The following NDUFAF6 variants were observed in gnomAD, a reference collection of about 807,000 sequenced individuals.
NDUFAF6 encodes NADH:ubiquinone oxidoreductase complex assembly factor 6, also known as NADH dehydrogenase (ubiquinone) complex I, assembly factor 6.
NDUFAF6 carries 45 observed loss-of-function variants against 40.8 expected under a neutral mutation model. The ratio of observed to expected loss-of-function variants is 1.10; its 90% CI spans 0.87 to 1.42. The LOEUF is 1.42. Ranked by LOEUF, NDUFAF6 falls within the 40% of genes most tolerant of loss-of-function variation. NDUFAF6 has a pLI of 0.00. For synonymous variants in NDUFAF6, 185 were observed against 155.9 expected, an observed-to-expected ratio of 1.19 and a Z score of -1.39; for missense variants, 435 against 418.5, an observed-to-expected ratio of 1.04 and a Z score of -0.34.
In NDUFAF6 at chr8:95,025,014, G is replaced by T. The variant is rs1827899286; in HGVS notation, c.6G>T (p.Ala2=). Reference sequence around the variant, plus strand: ...GGGCACGCAGTGCCGGCGTCATGGCGGCCTCCGCGCACGGCTCTGTCTGGG... The same window carrying T: ...GGGCACGCAGTGCCGGCGTCATGGCTGCCTCCGCGCACGGCTCTGTCTGGG... M[A]ASAHGSVWGP... is the part of the protein sequence containing the mutation. The change falls in exon 1 of 9, where the codon GCG becomes GCT. Residue 2 remains alanine, a synonymous_variant. Coordinates refer to ENST00000396124, the MANE Select transcript of NDUFAF6 (RefSeq NM_152416.4). 2 of 1,343,916 alleles carry T rather than the reference G, an allele frequency of 1.5e-6. No individual in the cohort carries two copies. Among genetic ancestry groups the T allele is most frequent in the South Asian group, 2.0e-5 (1 of 49,196 alleles). The allele number at this position is 1,343,916 out of a possible 1,614,324, so 83.2% of individuals were successfully genotyped here.
intron 9 of NDUFAF6, among the ~76,000 whole-genome samples, chr8:95,074,086 G>A (rs1467846987): frequency 1.3e-5 from 2 of 152,158 alleles, no homozygotes; most frequent in African/African-American, 4.8e-5. Context: ...GTGGGTAAGG[G>A]TTGGGATGGA....
chr8:95,105,215 G>A (rs1002889240), downstream of NDUFAF6, among the ~76,000 whole-genome samples: 9 of 151,944 alleles, frequency 5.9e-5, no homozygotes, highest in African/African-American at 2.2e-4. Flanking sequence ...TTTTTCTAAG[G>A]AATAAATAAG....
At chr8:95,023,989 C>CA (rs35426799), upstream of NDUFAF6, among the ~76,000 whole-genome samples, 24,776 of 124,090 alleles carry the variant, frequency 0.2, 2,176 homozygotes, top group Middle Eastern at 0.34. Flanking sequence ...GACTCTGTCT[C>CA]AAAAAAAAAA....
intron 2 of NDUFAF6, among the ~76,000 whole-genome samples, chr8:94,999,044 G>A (rs776932807): frequency 6.6e-6 from 1 of 151,570 alleles, no homozygotes; most frequent in Non-Finnish European, 1.5e-5. Context: ...TCGTGTGTGT[G>A]TAAAACAGAC....
intron 2 of NDUFAF6, among the ~76,000 whole-genome samples, chr8:95,089,910 A>G (rs1809193098): frequency 6.6e-6 from 1 of 152,062 alleles, no homozygotes; most frequent in African/African-American, 2.4e-5. Context: ...ATTAGACTCC[A>G]CTTACCTCAC....
intron 2 of NDUFAF6, among the ~76,000 whole-genome samples, chr8:95,000,268 C>G (rs1034564316): frequency 6.6e-6 from 1 of 152,006 alleles, no homozygotes; most frequent in African/African-American, 2.4e-5. Context: ...GTCTGGGAGG[C>G]GGAGGTTGCA....
chr8:95,058,450 T>C lies in NDUFAF6; in HGVS notation c.*513T>C. ...GTGTTGTGGGCTTTTATCCTTAACGTTTAATTTTTACAATCTTGTGTAAAA... is the reference window on the plus strand; with the variant it reads ...GTGTTGTGGGCTTTTATCCTTAACGCTTAATTTTTACAATCTTGTGTAAAA... On this transcript the variant is annotated 3_prime_UTR_variant, in exon 9 of 9. Transcript: ENST00000396124. The C allele has an allele frequency of 3.3e-6, 4 of 1,230,724 alleles. No individual in the cohort carries two copies. Among genetic ancestry groups the C allele is most frequent in the Non-Finnish European group, 4.1e-6 (4 of 987,594 alleles). 76.2% of individuals were successfully genotyped at this position (1,230,724 alleles called of 1,614,324 possible).
At chr8:95,106,828 T>G (rs190251411), downstream of NDUFAF6, among the ~76,000 whole-genome samples, 973 of 152,278 alleles carry the variant, frequency 6.4e-3, 6 homozygotes, top group Middle Eastern at 0.041. Flanking sequence ...ACAAAGGATA[T>G]GAACAGACAC....
chr8:94,910,125 C>G (rs1340300440), intron 1 of NDUFAF6, among the ~76,000 whole-genome samples: 2 of 151,892 alleles, frequency 1.3e-5, no homozygotes, highest in South Asian at 2.1e-4. Flanking sequence ...CCTACTCCTG[C>G]CCATTTAGGA....
chr8:94,929,787 CTCTG>C (rs1354306724), intron 1 of NDUFAF6: 7 of 152,214 alleles, frequency 4.6e-5, no homozygotes, highest in African/African-American at 1.7e-4. Flanking sequence ...AGACAAGTGC[CTCTG>C]TCTACAACAC....
At chr8:95,038,362 G>T (rs1019581022) in intron 3 of NDUFAF6, among the ~76,000 whole-genome samples, 1 of 151,626 alleles carries the variant, frequency 6.6e-6, no homozygotes, top group African/African-American at 2.4e-5. Flanking sequence ...AAAATTTAGC[G>T]AATATTTTCT....
At chr8:95,022,733 A>G (rs1029852347), upstream of NDUFAF6, among the ~76,000 whole-genome samples, 2 of 152,208 alleles carry the variant, frequency 1.3e-5, no homozygotes, top group Admixed American at 6.5e-5. Context: ...AGAAGCCATA[A>G]AAGTAAATAT....
chr8:95,110,385 G>C (rs960288327), intron 4 of NDUFAF6, among the ~76,000 whole-genome samples: 8 of 152,176 alleles, frequency 5.3e-5, no homozygotes, highest in African/African-American at 1.7e-4. Context: ...TACTTAAGAA[G>C]CCAGATGGGC....
At chr8:95,116,813 A>G (rs1419994951), downstream of NDUFAF6, among the ~76,000 whole-genome samples, 2 of 152,254 alleles carry the variant, frequency 1.3e-5, no homozygotes, top group Non-Finnish European at 2.9e-5. Flanking sequence ...GACTTAAACA[A>G]TAAAAAGAAT....
intron 4 of NDUFAF6, among the ~76,000 whole-genome samples, chr8:95,109,683 T>A (rs1315138652): frequency 6.6e-6 from 1 of 152,206 alleles, no homozygotes; most frequent in Non-Finnish European, 1.5e-5. Flanking sequence ...CACTTTGACC[T>A]CTTCTTATAT....
upstream of NDUFAF6, among the ~76,000 whole-genome samples, chr8:94,956,985 A>G (rs1823135237): frequency 1.3e-5 from 2 of 152,140 alleles, no homozygotes; most frequent in African/African-American, 4.8e-5. Context: ...AGCCTGGCCA[A>G]TGTGGTGAAA....
chr8:94,976,764 G>A (rs915038774), intron 1 of NDUFAF6, among the ~76,000 whole-genome samples: 31 of 152,210 alleles, frequency 2.0e-4, no homozygotes, highest in African/African-American at 7.5e-4. Context: ...TGTTTAATGG[G>A]TATAGAGTTT....
upstream of NDUFAF6, among the ~76,000 whole-genome samples, chr8:94,954,605 G>C (rs1026575210): frequency 5.9e-5 from 9 of 152,168 alleles, no homozygotes; most frequent in Non-Finnish European, 4.4e-5. Context: ...TTTGAGCATT[G>C]AGAACCAAAG....
intron 2 of NDUFAF6, among the ~76,000 whole-genome samples, chr8:95,018,205 A>AT (rs34118633): frequency 0.76 from 110,063 of 145,092 alleles, 41,919 homozygotes; most frequent in East Asian, 0.9. Context: ...ATGCTTGGCT[A>AT]TTTTTTTTTT....
Sources: gnomAD v4.1 joint callset for allele counts (sites outside exome capture counted in the v4.1 genomes callset) on GRCh38, gnomAD v4.1.1 for gene constraint, MANE v1.5 for transcripts, NCBI Gene and HGNC (gene_info 2026-07-23, HGNC 2026-07-21) for gene names.